Variants in MYO15A observed in about 807,000 individuals in gnomAD.
The protein encoded by MYO15A is unconventional myosin-XV.
Under a neutral mutation model 394.6 loss-of-function variants are expected in MYO15A, and 308 were observed. The ratio of observed to expected loss-of-function variants is 0.78; its 90% CI spans 0.71 to 0.86. The LOEUF (loss-of-function observed/expected upper bound fraction) is 0.86. Among genes scored for constraint, MYO15A ranks in the 40% least tolerant of loss-of-function variants. The probability of loss-of-function intolerance (pLI) is 0.00; values close to 1 mark genes in which losing one functional copy is unlikely to be tolerated. For synonymous variants in MYO15A, 1,957 were observed against 2,003.8 expected, an observed-to-expected ratio of 0.98 and a Z score of 0.62; for missense variants, 4,606 against 4,799.1, an observed-to-expected ratio of 0.96 and a Z score of 1.19.
chr17:18,178,611 A>C, intron 65 of MYO15A, 158 bp from the exon 66 acceptor site: 2 of 754,194 alleles, frequency 2.7e-6, no homozygotes, highest in Non-Finnish European at 4.7e-6. Context: ...CCAGCTCTTC[A>C]TGCTCCTCTC....
rs765000005 is a variant in MYO15A, at chr17:18,119,111, C to T, written c.311C>T (p.Pro104Leu). 29 of 1,611,838 alleles carry T rather than the reference C, an allele frequency of 1.8e-5. 1 individual carries two copies. In the South Asian group the frequency reaches 2.9e-4, roughly 16 times the overall value. ...AAGCGGGCGATGAAGGGCAAGAAGCCGTCCTTCATGGTGATCCGCTTCCCA... is the reference window on the plus strand; with the variant it reads ...AAGCGGGCGATGAAGGGCAAGAAGCTGTCCTTCATGGTGATCCGCTTCCCA... Reference protein sequence around the residue: ...KKKRAMKGKKPSFMVIRFPGR... With the variant: ...KKKRAMKGKKLSFMVIRFPGR... Residue 104 changes from proline to leucine, a missense_variant, in exon 2 of 66, where the codon CCG becomes CTG. By Grantham distance (98) the Pro-to-Leu change is moderately conservative (BLOSUM62 -3). This residue lies in a region of MYO15A where 1,830 missense variants were observed against 1,689.7 expected (regional missense o/e 1.08). Transcript: ENST00000647165.
Position 18,158,622 on chromosome 17 carries a change from C to A in MYO15A, c.9067C>A (p.Pro3023Thr). Residue 3023 changes from proline to threonine, a missense_variant, in exon 52 of 66, where the codon CCT becomes ACT. Pro to Thr is a conservative substitution (Grantham distance 38). Around this residue, in one of 2 missense-constraint regions of MYO15A, gnomAD observed 2,776 missense variants for 3,109.3 expected, o/e 0.89. Transcript: ENST00000647165. ...LEFAQKYFRD[P>T]QRRPQDGLRL... ...GTTTGCCCAGAAGTATTTCCGAGAC[C>A]CTCAGAGGAGACCCCAGTGAGTGGC... 6.2e-7 allele frequency: 1 copy of A among 1,614,180 alleles called. No homozygotes were observed. The highest frequency in any genetic ancestry group is 8.5e-7 in the Non-Finnish European group (1 of 1,180,006).
chr17:18,112,002 G>A (rs992058852), intron 1 of MYO15A, among the ~76,000 whole-genome samples: 2 of 152,252 alleles, frequency 1.3e-5, no homozygotes, highest in African/African-American at 2.4e-5. Context: ...TGAGAGGCAG[G>A]TTCTTCATCT....
At chr17:18,118,355 G>A (rs555834769) in intron 1 of MYO15A, among the ~76,000 whole-genome samples, 3 of 152,312 alleles carry the variant, frequency 2.0e-5, no homozygotes, top group African/African-American at 4.8e-5. Flanking sequence ...TAGGGCAGGT[G>A]GCATTCCATC....
chr17:18,163,627 C>T (rs1222748725), intron 59 of MYO15A, 115 bp from the exon 60 acceptor site: 1 of 968,352 alleles, frequency 1.0e-6, no homozygotes. Flanking sequence ...GATTGTGCGC[C>T]TTTGTGAAGA....
chr17:18,171,903 C>G, intron 63 of MYO15A, 132 bp downstream of exon 63: 2 of 1,421,298 alleles, frequency 1.4e-6, no homozygotes, highest in Non-Finnish European at 9.4e-7. Context: ...TGAGCACCTG[C>G]CTGGAGAAAA....
At chr17:18,113,567 C>T (rs1020827282) in intron 1 of MYO15A, among the ~76,000 whole-genome samples, 5 of 151,930 alleles carry the variant, frequency 3.3e-5, no homozygotes, top group South Asian at 2.1e-4. Flanking sequence ...AAGACCAGCC[C>T]GGCCAACATG....
chr17:18,172,050 T>G, intron 63 of MYO15A, 107 bp from the exon 64 acceptor site: 10 of 1,582,598 alleles, frequency 6.3e-6, no homozygotes, highest in Non-Finnish European at 8.6e-6. Flanking sequence ...GACCAAGGGC[T>G]TCTGCACTGG....
chr17:18,160,070 G>A, intron 56 of MYO15A, 53 bp downstream of exon 56: 3 of 1,564,744 alleles, frequency 1.9e-6, no homozygotes, highest in Non-Finnish European at 2.6e-6. Flanking sequence ...CATGCTCCAG[G>A]AGGGACCAGT....
chr17:18,122,306 G>C lies in MYO15A; in HGVS notation c.3506G>C (p.Arg1169Pro), dbSNP rs748603406. ...LRADAYGPWP[R>P]VHTHPQSCHL... ...GCAGATGCCTATGGACCCTGGCCAC[G>C]AGTACACACCCATCCCCAGTCCTGC... The change falls in exon 2 of 66, where the codon CGA (arginine) becomes CCA (proline). Residue 1169 changes from arginine (R) to proline (P), a missense_variant. Physicochemically the swap from Arg to Pro is moderately radical, Grantham distance 103. Around this residue, in one of 2 missense-constraint regions of MYO15A, gnomAD observed 1,830 missense variants for 1,689.7 expected, o/e 1.08. Coordinates refer to ENST00000647165, the MANE Select transcript of MYO15A (RefSeq NM_016239.4). 1 of 1,613,028 alleles carries C rather than the reference G, an allele frequency of 6.2e-7. No individual in the cohort carries two copies.
In MYO15A at chr17:18,172,185, C is replaced by T. The variant is rs1454064158; in HGVS notation, c.10245C>T (p.Gly3415=). ...LGLLSALPMF[G]SSFFFIQSCS... The stretch of plus-strand genomic sequence containing the variant: ...TCCTCAGCGCCTTACCTATGTTCGG[C>T]TCCTCCTTCTTCTTCATCCAGAGCT... Residue 3415 remains glycine (G), a synonymous_variant, in exon 64 of 66, where the codon GGC becomes GGT. Coordinates refer to ENST00000647165, the MANE Select transcript of MYO15A (RefSeq NM_016239.4). 1.9e-6 allele frequency: 3 copies of T among 1,614,180 alleles called. No homozygotes were observed. The highest frequency in any genetic ancestry group is 2.5e-6 in the Non-Finnish European group (3 of 1,180,030).
At position 18,166,349 on chromosome 17, in the gene MYO15A, T is replaced by C; in HGVS notation, c.9788-12T>C. 1 of 1,611,546 alleles carries C rather than the reference T, an allele frequency of 6.2e-7. No individual in the cohort carries two copies. The highest frequency in any genetic ancestry group is 1.7e-4 in the Middle Eastern group (1 of 5,836). ...ATGCCCCCACCCAGCCCTGCCTCCCTGCTCTCTGCAGGCCAGCATGTGTGC... is the reference window on the plus strand; with the variant it reads ...ATGCCCCCACCCAGCCCTGCCTCCCCGCTCTCTGCAGGCCAGCATGTGTGC... On this transcript the variant is annotated splice_polypyrimidine_tract_variant and intron_variant, in intron 60 of 65. Coordinates refer to ENST00000647165, the MANE Select transcript of MYO15A (RefSeq NM_016239.4).
chr17:18,179,185 T>A lies in MYO15A; in HGVS notation c.*315T>A. The stretch of plus-strand genomic sequence containing the variant: ...ACCCATTGCAGACCCTGCCCCTAAC[T>A]CCTGCCTATGACACAGAAGCCCCAC... On this transcript the variant is annotated 3_prime_UTR_variant, in exon 66 of 66. Transcript: ENST00000647165. The A allele has an allele frequency of 2.2e-6, 1 of 461,414 alleles. No individual in the cohort carries two copies. Among genetic ancestry groups the A allele is most frequent in the South Asian group, 2.1e-5 (1 of 47,136 alleles). The allele number at this position is 461,414 out of a possible 1,614,324, so 28.6% of individuals were successfully genotyped here.
chr17:18,109,211 G>A (rs2045691875), intron 1 of MYO15A: 1 of 152,324 alleles, frequency 6.6e-6, no homozygotes, highest in Non-Finnish European at 1.5e-5. Flanking sequence ...GTCAGGGTGA[G>A]TCCAGACCTT....
At chr17:18,133,942 G>A (rs889385829) in intron 12 of MYO15A, among the ~76,000 whole-genome samples, 2 of 152,070 alleles carry the variant, frequency 1.3e-5, no homozygotes, top group Admixed American at 6.5e-5. Flanking sequence ...ATAGGCATGA[G>A]CCACCGCGCC....
chr17:18,135,401 G>C (rs1477826302), intron 12 of MYO15A, among the ~76,000 whole-genome samples: 1 of 152,036 alleles, frequency 6.6e-6, no homozygotes, highest in Non-Finnish European at 1.5e-5. Context: ...GAGTGCAATG[G>C]CACGGTTTCG....
intron 51 of MYO15A, among the ~76,000 whole-genome samples, 182 bp downstream of exon 51, chr17:18,158,082 T>C (rs1463710801): frequency 6.6e-6 from 1 of 151,914 alleles, no homozygotes; most frequent in Non-Finnish European, 1.5e-5. Context: ...ACCCGGGAGA[T>C]GGGACCAGAG....
chr17:18,122,292 T>G lies in MYO15A; in HGVS notation c.3492T>G (p.Tyr1164Ter). Residue 1164 changes from tyrosine (Y) to a stop codon, truncating the protein, a stop_gained, in exon 2 of 66, where the codon TAT (tyrosine) becomes TAG (stop). Transcript: ENST00000647165. LOFTEE classifies it high-confidence loss of function. ...GCCTCTGGCTTCGGGCAGATGCCTA[T>G]GGACCCTGGCCACGAGTACACACCC... ...WSCLWLRADA[Y>*]GPWPRVHTHP... The G allele has an allele frequency of 6.2e-7, 1 of 1,613,072 alleles. No individual in the cohort carries two copies. The highest frequency in any genetic ancestry group is 8.5e-7 in the Non-Finnish European group (1 of 1,179,984).
chr17:18,149,157 T>C, intron 33 of MYO15A, 59 bp from the exon 34 acceptor site: 1 of 1,605,496 alleles, frequency 6.2e-7, no homozygotes, highest in South Asian at 1.1e-5. Context: ...CAGAAGAAAA[T>C]TTGGGGGATT....
Sources: allele counts gnomAD v4.1 joint callset (sites outside exome capture counted in the v4.1 genomes callset), GRCh38; gene constraint gnomAD v4.1.1; regional missense constraint gnomAD v4.1.1; transcripts MANE v1.5; gene names NCBI Gene and HGNC (gene_info 2026-07-23, HGNC 2026-07-21).